The following PIK3C2A variants were observed in gnomAD, a reference collection of about 807,000 sequenced individuals.
The protein encoded by PIK3C2A is phosphatidylinositol-4-phosphate 3-kinase catalytic subunit type 2 alpha.
PIK3C2A carries 97 observed loss-of-function variants against 204.5 expected under a neutral mutation model. The ratio of observed to expected loss-of-function variants is 0.47; its 90% confidence interval spans 0.40 to 0.56. PIK3C2A has a LOEUF of 0.56. Ranked by LOEUF, PIK3C2A falls within the 20% of genes least tolerant of loss-of-function variation. PIK3C2A has a pLI of 0.00. For synonymous variants in PIK3C2A, 653 were observed against 664.4 expected (o/e 0.98, Z 0.26); for missense variants, 1,735 against 1,969.2 (o/e 0.88, Z 2.25).
At chr11:17,165,288 G>A (rs899585600) in intron 2 of PIK3C2A, among the ~76,000 whole-genome samples, 4 of 152,134 alleles carry the variant, frequency 2.6e-5, no homozygotes, top group Non-Finnish European at 4.4e-5. Context: ...GAAAAAACTG[G>A]TTATCTTCCC....
At chr11:17,103,545 C>T (rs1033911871) in intron 23 of PIK3C2A, among the ~76,000 whole-genome samples, 8 of 152,116 alleles carry the variant, frequency 5.3e-5, no homozygotes, top group African/African-American at 1.9e-4. Flanking sequence ...GAAATCATTA[C>T]CAATGATGAT....
At chr11:17,165,918 T>C (rs35361429) in intron 2 of PIK3C2A, among the ~76,000 whole-genome samples, 9,652 of 151,444 alleles carry the variant, frequency 0.064, 439 homozygotes, top group South Asian at 0.12. Flanking sequence ...AATTTTCAAA[T>C]ATACACAAAG....
chr11:17,141,354 C>G (rs1474001835), intron 8 of PIK3C2A: 2 of 151,172 alleles, frequency 1.3e-5, no homozygotes, highest in African/African-American at 4.9e-5. Flanking sequence ...TCACTGCAAC[C>G]TCTGCCTCCC....
chr11:17,158,343 C>T (rs1435706992), intron 2 of PIK3C2A, among the ~76,000 whole-genome samples: 1 of 147,896 alleles, frequency 6.8e-6, no homozygotes, highest in Non-Finnish European at 1.5e-5. Flanking sequence ...AGCAAAACTC[C>T]GTCTCAAAAA....
intron 2 of PIK3C2A, among the ~76,000 whole-genome samples, chr11:17,163,423 C>T (rs1263179452): frequency 6.6e-6 from 1 of 152,196 alleles, no homozygotes; most frequent in African/African-American, 2.4e-5. Context: ...TTTTTAGACA[C>T]AGGGTCTCAT....
At chr11:17,122,607 A>C (rs1001580955) in intron 14 of PIK3C2A, 95 bp downstream of exon 14, 2 of 681,234 alleles carry the variant, frequency 2.9e-6, no homozygotes, top group South Asian at 3.4e-5. Context: ...AAGATCAGTT[A>C]GGTTTCTTTA....
chr11:17,119,371 T>C, intron 16 of PIK3C2A, 58 bp from the exon 17 acceptor site: 1 of 1,020,746 alleles, frequency 9.8e-7, no homozygotes, highest in African/African-American at 1.6e-5. Context: ...TGAAGCTGTA[T>C]TTTTTGAAAA....
chr11:17,094,149 G>T, intron 28 of PIK3C2A, 112 bp downstream of exon 28: 1 of 695,294 alleles, frequency 1.4e-6, no homozygotes, highest in Non-Finnish European at 2.3e-6. Context: ...AGGAAAATAA[G>T]CCACACATGG....
chr11:17,117,820 T>C, intron 18 of PIK3C2A, 149 bp from the exon 19 acceptor site: 1 of 504,324 alleles, frequency 2.0e-6, no homozygotes, highest in Non-Finnish European at 3.5e-6. Flanking sequence ...TTCACGCCAT[T>C]CTCCTGCCTC....
intron 19 of PIK3C2A, among the ~76,000 whole-genome samples, chr11:17,116,946 T>C (rs917313548): frequency 6.6e-6 from 1 of 152,188 alleles, no homozygotes; most frequent in South Asian, 2.1e-4. Flanking sequence ...CACCAACTGA[T>C]GAATGTTTAA....
In PIK3C2A at chr11:17,110,417, A is replaced by G. The variant is rs762295324; in HGVS notation, c.3544+15T>C. The G allele has an allele frequency of 1.1e-5, 17 of 1,599,300 alleles. No individual in the cohort carries two copies. The East Asian group carries it at 3.4e-4, about 32-fold the overall frequency. On this transcript the variant is annotated intron_variant, in intron 22 of 32. Transcript: ENST00000691414. ...GGAAAAAAATAAGACATCAAGACAC[A>G]GCTAATAAACTTACCTCGATCTCTG...
chr11:17,171,857 T>C (rs572011440), intron 1 of PIK3C2A, among the ~76,000 whole-genome samples: 51 of 152,278 alleles, frequency 3.3e-4, no homozygotes, highest in African/African-American at 1.2e-3. Context: ...GCAAGCCTCC[T>C]GCCTCAGCTG....
intron 26 of PIK3C2A, among the ~76,000 whole-genome samples, chr11:17,097,610 G>A (rs987739306): frequency 3.3e-5 from 5 of 152,114 alleles, no homozygotes; most frequent in Admixed American, 2.0e-4. Context: ...TGACAAATAG[G>A]TGGGAAAGAA....
At chr11:17,110,113 T>C (rs1450859740) in intron 22 of PIK3C2A, among the ~76,000 whole-genome samples, 1 of 152,032 alleles carries the variant, frequency 6.6e-6, no homozygotes, top group Non-Finnish European at 1.5e-5. Flanking sequence ...CCACCACACC[T>C]GGCTAATTTT....
At position 17,155,641 on chromosome 11, in the gene PIK3C2A, A is replaced by G. The variant is rs1259895549; in HGVS notation, c.1066-12T>C. 4.0e-6 allele frequency: 6 copies of G among 1,507,130 alleles called. No individual in the cohort carries two copies. The highest frequency in any genetic ancestry group is 2.7e-5 in the African/African-American group (2 of 73,034). The allele number at this position is 1,507,130 out of a possible 1,614,324, so 93.4% of individuals were successfully genotyped here. ...CCATTTGGGTCTTTCTGTAATTAAA[A>G]AAGTGTTTTTATTTTAAAAGTGGAA... On this transcript the variant is annotated splice_polypyrimidine_tract_variant and intron_variant, in intron 2 of 32. Transcript: ENST00000691414.
intron 27 of PIK3C2A, 110 bp from the exon 28 acceptor site, chr11:17,094,495 G>A: frequency 6.6e-6 from 5 of 756,930 alleles, no homozygotes; most frequent in South Asian, 1.8e-5. Flanking sequence ...AGGCCGAGGT[G>A]GGTGGATCAG....
chr11:17,094,500 G>A (rs1170083714), intron 27 of PIK3C2A, 115 bp from the exon 28 acceptor site: 4 of 707,966 alleles, frequency 5.6e-6, no homozygotes, highest in Middle Eastern at 4.3e-4. Flanking sequence ...GAGGTGGGTG[G>A]ATCAGCTGAG....
At chr11:17,179,043 T>G (rs1851442792) in intron 1 of PIK3C2A, among the ~76,000 whole-genome samples, 1 of 151,982 alleles carries the variant, frequency 6.6e-6, no homozygotes, top group African/African-American at 2.4e-5. Context: ...TTTTGTATTT[T>G]TAGTAGAGAT....
chr11:17,168,821 A>G lies in PIK3C2A; in HGVS notation c.921T>C (p.Val307=). The change falls in exon 2 of 33, where the codon GTT becomes GTC. Residue 307 remains valine, a synonymous_variant. Coordinates refer to ENST00000691414, the MANE Select transcript of PIK3C2A (RefSeq NM_002645.4). ...TTGCTGTCGATCTCTCTTCAAGAAG[A>G]ACAGCATCCCAAGGATCCTTTGCTA... ...SLLAKDPWDA[V]LLEERSTANC... is the part of the protein sequence containing the mutation. 2 of 1,614,110 alleles carry G rather than the reference A, an allele frequency of 1.2e-6. No homozygotes were observed. Among genetic ancestry groups the G allele is most frequent in the Non-Finnish European group, 1.7e-6 (2 of 1,179,996 alleles).
Sources: gnomAD v4.1 joint callset for allele counts (sites outside exome capture counted in the v4.1 genomes callset) on GRCh38, gnomAD v4.1.1 for gene constraint, MANE v1.5 for transcripts, NCBI Gene and HGNC (gene_info 2026-07-23, HGNC 2026-07-21) for gene names.